The following SMYD1 variants were observed in gnomAD, a reference collection of about 807,000 sequenced individuals.
SMYD1 encodes the protein SET and MYND domain containing 1.
A neutral mutation model predicts 54.0 loss-of-function variants in SMYD1; 49 were observed. The observed-to-expected ratio is 0.91, with a 90% CI of 0.72 to 1.15. The LOEUF (loss-of-function observed/expected upper bound fraction) is 1.15. Ranked by LOEUF, SMYD1 falls within the 50% of genes most tolerant of loss-of-function variation. SMYD1 has a pLI of 0.00. For missense variants in SMYD1, 653 were observed against 639.6 expected, an observed-to-expected ratio of 1.02 and a Z score of -0.23; for synonymous variants, 269 against 234.2, an observed-to-expected ratio of 1.15 and a Z score of -1.36.
At chr2:88,092,349 G>T (rs1400797834) in intron 4 of SMYD1, among the ~76,000 whole-genome samples, 1 of 152,174 alleles carries the variant, frequency 6.6e-6, no homozygotes, top group Non-Finnish European at 1.5e-5. Context: ...AGCTCCTGGT[G>T]GTCCATGGCT....
intron 3 of SMYD1, among the ~76,000 whole-genome samples, chr2:88,089,120 G>C (rs1023469613): frequency 6.6e-6 from 1 of 152,174 alleles, no homozygotes; most frequent in African/African-American, 2.4e-5. Flanking sequence ...AGGCCATCAG[G>C]CTGGAGATCA....
At chr2:88,096,472 G>A in intron 5 of SMYD1, 123 bp from the exon 6 acceptor site, 1 of 822,542 alleles carries the variant, frequency 1.2e-6, no homozygotes, top group Non-Finnish European at 2.0e-6. Context: ...GGGTCAATGG[G>A]AGTTTCTGAG....
chr2:88,104,795 A>C (rs1018829340), intron 7 of SMYD1, among the ~76,000 whole-genome samples: 43 of 152,186 alleles, frequency 2.8e-4, no homozygotes, highest in African/African-American at 1.0e-3. Flanking sequence ...CAAACACCTA[A>C]AATCTAGAGA....
At chr2:88,088,671 C>T (rs1417885590) in intron 3 of SMYD1, among the ~76,000 whole-genome samples, 1 of 152,170 alleles carries the variant, frequency 6.6e-6, no homozygotes, top group Non-Finnish European at 1.5e-5. Flanking sequence ...TTTTTTTCCT[C>T]TCCACGTTGA....
rs200823819 is a variant in SMYD1 at position 88,093,571 on chromosome 2, C to G, written c.698+16C>G. On this transcript the variant is annotated intron_variant, in intron 5 of 9. Transcript: ENST00000419482. ...CCCAGATGAGGTGGGTCAGTCCTTT[C>G]AAGCATCCCTGCTCCTCTGACCCAT... 412 of 1,614,166 alleles carry G rather than the reference C, an allele frequency of 2.6e-4. 3 individuals are homozygous for G. In the African/African-American group the frequency reaches 5.1e-3, roughly 20 times the overall value.
chr2:88,096,614 G>A lies in SMYD1; in HGVS notation c.718G>A (p.Gly240Ser), dbSNP rs1344887355. 6.2e-7 allele frequency: 1 copy of A among 1,613,204 alleles called. No individual in the cohort carries two copies. The highest frequency in any genetic ancestry group is 8.5e-7 in the Non-Finnish European group (1 of 1,179,586). ...CTTCAGAATTGAGCTCCGGGCCCTA[G>A]GCAAGATCTCAGAAGGAGAGGAGCT... ...TQMRIELRAL[G>S]KISEGEELTV... Residue 240 changes from glycine (G) to serine (S), a missense_variant, in exon 6 of 10, where the codon GGC becomes AGC. Transcript: ENST00000419482.
In SMYD1 at chr2:88,067,849, C is replaced by G; in HGVS notation, c.-16C>G. 1.9e-6 allele frequency: 3 copies of G among 1,611,866 alleles called. No homozygotes were observed. Among genetic ancestry groups the G allele is most frequent in the Non-Finnish European group, 2.5e-6 (3 of 1,179,230 alleles). ...CAGTGTTAAATAACTGCCGCGCTGG[C>G]CTGACAGTCTCTGAGATGACAATAG... is the stretch of plus-strand genomic sequence containing the variant. On this transcript the variant is annotated 5_prime_UTR_variant, in exon 1 of 10. Transcript: ENST00000419482.
At chr2:88,107,935 GCTGCACCCACTGTC>G (rs1232705152) in intron 8 of SMYD1, among the ~76,000 whole-genome samples, 2 of 152,170 alleles carry the variant, frequency 1.3e-5, no homozygotes, top group African/African-American at 4.8e-5. Flanking sequence ...CACTCGGTGC[GCTGCACCCACTGTC>G]CTGCACCCAC....
chr2:88,104,262 G>A (rs575485472), intron 7 of SMYD1, among the ~76,000 whole-genome samples: 1 of 152,170 alleles, frequency 6.6e-6, no homozygotes, highest in East Asian at 1.9e-4. Context: ...CACTGCGCCT[G>A]GCCTCATTTC....
At chr2:88,091,343 G>T (rs1674458187) in intron 4 of SMYD1, among the ~76,000 whole-genome samples, 1 of 152,228 alleles carries the variant, frequency 6.6e-6, no homozygotes, top group African/African-American at 2.4e-5. Context: ...TTCAACCTGG[G>T]TCATTTCTGA....
intron 8 of SMYD1, among the ~76,000 whole-genome samples, 180 bp downstream of exon 8, chr2:88,106,668 A>T (rs983550230): frequency 6.6e-6 from 1 of 152,184 alleles, no homozygotes; most frequent in African/African-American, 2.4e-5. Flanking sequence ...GTTAATGACC[A>T]ATCAGAGTTT....
At chr2:88,109,156 C>T (rs1674952175) in intron 9 of SMYD1, among the ~76,000 whole-genome samples, 1 of 152,150 alleles carries the variant, frequency 6.6e-6, no homozygotes, top group Non-Finnish European at 1.5e-5. Flanking sequence ...ACAATCTGTC[C>T]ATAGTCACAT....
chr2:88,086,384 A>G (rs75472725), intron 2 of SMYD1, among the ~76,000 whole-genome samples: 2,345 of 152,336 alleles, frequency 0.015, 29 homozygotes, highest in Non-Finnish European at 0.025. Flanking sequence ...GTGTGCAGTC[A>G]GTGGGTGGCA....
intron 7 of SMYD1, among the ~76,000 whole-genome samples, chr2:88,104,405 TCA>T (rs1408907314): frequency 6.6e-6 from 1 of 152,224 alleles, no homozygotes; most frequent in East Asian, 1.9e-4. Flanking sequence ...GGGTAGACAG[TCA>T]CACACACAAA....
intron 8 of SMYD1, among the ~76,000 whole-genome samples, chr2:88,106,868 T>C (rs1251539193): frequency 1.3e-5 from 2 of 152,160 alleles, no homozygotes; most frequent in African/African-American, 2.4e-5. Context: ...TATTTATTTA[T>C]TTATTTTTAA....
At chr2:88,108,219 C>A in intron 8 of SMYD1, 152 bp from the exon 9 acceptor site, 2 of 655,054 alleles carry the variant, frequency 3.1e-6, no homozygotes, top group Non-Finnish European at 2.3e-6. Flanking sequence ...TATCTCTGTG[C>A]CTCAGTTCCC....
chr2:88,085,527 T>G (rs1289832930), intron 2 of SMYD1, among the ~76,000 whole-genome samples: 1 of 152,196 alleles, frequency 6.6e-6, no homozygotes, highest in Non-Finnish European at 1.5e-5. Flanking sequence ...CATATCCTGA[T>G]GATTTTTAGG....
In SMYD1 at chr2:88,111,124, T is replaced by C. The variant is rs1320791108; in HGVS notation, c.*612T>C. On this transcript the variant is annotated 3_prime_UTR_variant, in exon 10 of 10. Coordinates refer to ENST00000419482, the MANE Select transcript of SMYD1 (RefSeq NM_198274.4). ...TGTGTTTGGGCCACGTAGGCTCTAC[T>C]CAGAGACCTGAAACCACTTCAGAAT... 6.6e-6 allele frequency: 1 copy of C among 152,312 alleles called. No homozygotes were observed. The highest frequency in any genetic ancestry group is 1.5e-5 in the Non-Finnish European group (1 of 68,110). The allele number at this position is 152,312 out of a possible 1,614,324, so 9.4% of individuals were successfully genotyped here. A position where few individuals can be genotyped will look rare whatever the true frequency, so the allele number is the denominator to read the frequency against.
intron 6 of SMYD1, among the ~76,000 whole-genome samples, chr2:88,098,177 T>C (rs1448397056): frequency 6.6e-6 from 1 of 152,214 alleles, no homozygotes; most frequent in African/African-American, 2.4e-5. Flanking sequence ...GCCCTGAGTA[T>C]TTGTTTCATA....
Sources: allele counts gnomAD v4.1 joint callset (sites outside exome capture counted in the v4.1 genomes callset), GRCh38; gene constraint gnomAD v4.1.1; transcripts MANE v1.5; gene names NCBI Gene and HGNC (gene_info 2026-07-23, HGNC 2026-07-21).